The following CRIPTO variants were observed in gnomAD, a reference collection of about 807,000 sequenced individuals.
CRIPTO encodes cripto, EGF-CFC family member.
chr3:46,582,076 G>C, the CRIPTO span: 2 of 152,272 alleles, frequency 1.3e-5, no homozygotes, highest in Admixed American at 1.3e-4. Flanking sequence ...GCAAATAGAA[G>C]AGAGAGGTTG....
the CRIPTO span, chr3:46,577,858 C>G: frequency 2.2e-5 from 26 of 1,203,298 alleles, no homozygotes; most frequent in Middle Eastern, 3.9e-4. Context: ...TCATTTTCTT[C>G]TTAAATTGCC....
At chr3:46,581,738 C>T in the CRIPTO span, 1 of 372,758 alleles carries the variant, frequency 2.7e-6, no homozygotes. Flanking sequence ...GTCTCGAACT[C>T]CTGACCTTGT....
the CRIPTO span, among the ~76,000 whole-genome samples, chr3:46,576,448 T>G: frequency 1.7e-5 from 2 of 119,748 alleles, 1 homozygote; most frequent in African/African-American, 6.6e-5. Context: ...GCCATTGCAC[T>G]CCAGCCCGGG....
the CRIPTO span, chr3:46,579,141 G>A: frequency 1.2e-6 from 2 of 1,614,040 alleles, no homozygotes; most frequent in Non-Finnish European, 1.7e-6. Context: ...ACTGGGATTA[G>A]TTGCCGGTGA....
chr3:46,576,973 C>A, the CRIPTO span, among the ~76,000 whole-genome samples: 1 of 151,990 alleles, frequency 6.6e-6, no homozygotes, highest in African/African-American at 2.4e-5. Flanking sequence ...GAAGAGGCCG[C>A]CCTGTGGGAG....
At chr3:46,578,452 C>T in the CRIPTO span, among the ~76,000 whole-genome samples, 19 of 151,948 alleles carry the variant, frequency 1.3e-4, no homozygotes, top group Middle Eastern at 3.4e-3. Flanking sequence ...CGGTGGCTCA[C>T]GCCTGTAATC....
the CRIPTO span, among the ~76,000 whole-genome samples, chr3:46,578,645 C>T: frequency 6.6e-6 from 1 of 152,078 alleles, no homozygotes; most frequent in South Asian, 2.1e-4. Context: ...GGAGGGGAGG[C>T]AGTGAGCCGA....
At chr3:46,581,037 G>T in the CRIPTO span, 1 of 901,080 alleles carries the variant, frequency 1.1e-6, no homozygotes, top group Non-Finnish European at 1.8e-6. Context: ...GAGAAGAGCA[G>T]GTTCACAGTA....
At chr3:46,580,630 G>A in the CRIPTO span, among the ~76,000 whole-genome samples, 3 of 152,136 alleles carry the variant, frequency 2.0e-5, no homozygotes, top group Admixed American at 6.6e-5. Flanking sequence ...ATGAAAAGAA[G>A]GGCAGCACCT....
At chr3:46,575,415 C>A in the CRIPTO span, among the ~76,000 whole-genome samples, 1 of 152,152 alleles carries the variant, frequency 6.6e-6, no homozygotes, top group Admixed American at 6.5e-5. Context: ...TCCCCACCCC[C>A]CATCCCAAAA....
chr3:46,578,366 CAAAA>C, the CRIPTO span, among the ~76,000 whole-genome samples: 6 of 138,244 alleles, frequency 4.3e-5, no homozygotes, highest in African/African-American at 8.1e-5. Context: ...AAGATAATAG[CAAAA>C]AAAAAAAAAA....
At chr3:46,581,085 A>G in the CRIPTO span, 2 of 1,402,452 alleles carry the variant, frequency 1.4e-6, no homozygotes, top group Non-Finnish European at 2.0e-6. Context: ...AGCAGGATGA[A>G]CTGCCAGAGA....
chr3:46,575,236 C>T, the CRIPTO span, among the ~76,000 whole-genome samples: 3 of 152,222 alleles, frequency 2.0e-5, no homozygotes, highest in African/African-American at 7.2e-5. Flanking sequence ...TTCTTTCTCT[C>T]CAGCCTCACA....
the CRIPTO span, chr3:46,581,077 C>T: frequency 1.2e-5 from 16 of 1,307,730 alleles, no homozygotes; most frequent in Non-Finnish European, 1.8e-5. Flanking sequence ...TTGTGGGCAG[C>T]AGGATGAACT....
At chr3:46,575,939 G>A in the CRIPTO span, among the ~76,000 whole-genome samples, 4 of 152,106 alleles carry the variant, frequency 2.6e-5, no homozygotes, top group African/African-American at 4.8e-5. Context: ...TCTCCTTTGC[G>A]GAGCCCTCCC....
At chr3:46,575,536 T>G in the CRIPTO span, among the ~76,000 whole-genome samples, 1 of 152,148 alleles carries the variant, frequency 6.6e-6, no homozygotes, top group African/African-American at 2.4e-5. Context: ...AGGGATTTTG[T>G]GTGGCTGAAA....
At chr3:46,580,496 CAGAGTCCT>C in the CRIPTO span, among the ~76,000 whole-genome samples, 1 of 152,136 alleles carries the variant, frequency 6.6e-6, no homozygotes, top group Non-Finnish European at 1.5e-5. Context: ...TAGAAACTTC[CAGAGTCCT>C]AAAAGTCCCT....
chr3:46,574,670 T>A, the CRIPTO span: 3 of 152,234 alleles, frequency 2.0e-5, no homozygotes, highest in Non-Finnish European at 4.4e-5. Context: ...TTTTGTTAAC[T>A]CTTTGGTTGG....
the CRIPTO span, chr3:46,577,212 A>G: frequency 2.0e-5 from 3 of 152,168 alleles, no homozygotes; most frequent in African/African-American, 7.2e-5. Context: ...TGGAGCCCCC[A>G]AGGAACCCCT....
Sources: gnomAD v4.1 joint callset for allele counts (sites outside exome capture counted in the v4.1 genomes callset) on GRCh38, gnomAD v4.1.1 for gene constraint, MANE v1.5 for transcripts, NCBI Gene and HGNC (gene_info 2026-07-23, HGNC 2026-07-21) for gene names.